PLAGL1: variants seen among roughly 807,000 people sequenced by gnomAD.
The protein encoded by PLAGL1 is zinc finger protein PLAGL1.
In PLAGL1, 1 loss-of-function variant was observed where a neutral mutation model predicts 4.6. The ratio of observed to expected loss-of-function variants is 0.22; its 90% CI spans 0.08 to 1.03. The LOEUF (loss-of-function observed/expected upper bound fraction) is 1.03, where lower values mean the gene tolerates loss of function less well. PLAGL1 is among the 50% of genes least tolerant of loss of function. The probability of loss-of-function intolerance (pLI) is 0.58; values close to 1 mark genes in which losing one functional copy is unlikely to be tolerated. For synonymous variants in PLAGL1, 240 were observed against 237.8 expected, an observed-to-expected ratio of 1.01 and a Z score of -0.08; for missense variants, 464 against 570.4, an observed-to-expected ratio of 0.81 and a Z score of 1.90.
At chr6:143,980,088 C>T (rs1009323116) in intron 2 of PLAGL1, among the ~76,000 whole-genome samples, 1 of 152,212 alleles carries the variant, frequency 6.6e-6, no homozygotes, top group Admixed American at 6.5e-5. Context: ...AGCCTTCTGT[C>T]ATGTTTGTTC....
intron 2 of PLAGL1, among the ~76,000 whole-genome samples, chr6:143,974,111 G>A (rs984950410): frequency 7.9e-5 from 12 of 152,218 alleles, no homozygotes; most frequent in Middle Eastern, 6.8e-3. Context: ...TTACCTACAC[G>A]GAACAAATAT....
chr6:144,001,135 G>A (rs1366770834), intron 1 of PLAGL1, among the ~76,000 whole-genome samples: 1 of 151,434 alleles, frequency 6.6e-6, no homozygotes, highest in African/African-American at 2.4e-5. Flanking sequence ...TACTAAATGA[G>A]CCTGGAGCAT....
In PLAGL1 at chr6:144,053,099, A is replaced by G. The variant is rs1271597196; in HGVS notation, c.-151+11369T>C. ...AACTGATGCTCAACCATATTGGGTC[A>G]TCCTTATCAGCTACAACCACACATT... On this transcript the variant is annotated intron_variant, in intron 1 of 3. Transcript: ENST00000437412. The surrounding 1 kb of genome is among the most constrained non-coding windows in gnomAD (Gnocchi z 4.0). Among the ~76,000 whole-genome samples, 1 of 152,214 alleles carries G rather than the reference A, an allele frequency of 6.6e-6. No individual in the cohort carries two copies. The highest frequency in any genetic ancestry group is 1.5e-5 in the Non-Finnish European group (1 of 68,044).
chr6:144,006,155 A>G lies in PLAGL1; in HGVS notation c.-584+1935T>C, dbSNP rs1046145147. 3.3e-5 allele frequency: 5 copies of G among 152,222 alleles called. No individual in the cohort carries two copies. The highest frequency in any genetic ancestry group is 9.6e-5 in the African/African-American group (4 of 41,464). 9.4% of individuals were successfully genotyped at this position (152,222 alleles called of 1,614,324 possible). On this transcript the variant is annotated intron_variant, in intron 1 of 7. Transcript: ENST00000674357. This position sits in a 1 kb window ranked among gnomAD's most constrained non-coding sequence, Gnocchi z 4.3. ...TACTGGTATGTCCACCATGGAATTT[A>G]TGAAATAAAACATTACTGATAAATT...
chr6:144,033,288 C>G (rs186513918), intron 1 of PLAGL1, among the ~76,000 whole-genome samples: 3 of 152,286 alleles, frequency 2.0e-5, no homozygotes, highest in Admixed American at 1.3e-4. Flanking sequence ...ACCTACAGAC[C>G]TAGGGCATAA....
intron 1 of PLAGL1, among the ~76,000 whole-genome samples, chr6:144,031,293 G>A (rs1403827125): frequency 6.6e-6 from 1 of 152,222 alleles, no homozygotes; most frequent in Non-Finnish European, 1.5e-5. Flanking sequence ...CTCCCACTCT[G>A]TGGGTTGTCT....
chr6:143,948,085 T>G lies in PLAGL1; in HGVS notation c.52A>C (p.Lys18Gln). 6.2e-7 allele frequency: 1 copy of G among 1,613,918 alleles called. No individual in the cohort carries two copies. The highest frequency in any genetic ancestry group is 1.1e-5 in the South Asian group (1 of 91,082). The change falls in exon 7 of 8, where the codon AAG becomes CAG. Residue 18 changes from lysine to glutamine, a missense_variant. By Grantham distance (53) the Lys-to-Gln change is moderately conservative. Around this residue, in one of 4 missense-constraint regions of PLAGL1, gnomAD observed 161 missense variants for 196.7 expected, o/e 0.82. Transcript: ENST00000674357. This position sits in a 1 kb window ranked among gnomAD's most constrained non-coding sequence, Gnocchi z 6.0. ...LCGKTFLTLE[K>Q]FTIHNYSHSR... is the part of the protein sequence containing the mutation. ...TGGGAATAATTGTGAATCGTGAACT[T>G]CTCCAGGGTGAGGAACGTCTTGCCA...
intron 1 of PLAGL1, among the ~76,000 whole-genome samples, chr6:143,988,317 G>A (rs933798819): frequency 6.6e-6 from 1 of 152,182 alleles, no homozygotes; most frequent in African/African-American, 2.4e-5. Flanking sequence ...ATTCTTAGAG[G>A]ATAAAGACTA....
chr6:144,061,898 T>C lies in PLAGL1; in HGVS notation c.-151+2570A>G, dbSNP rs1295993801. Among the ~76,000 whole-genome samples the C allele has an allele frequency of 1.3e-5, 2 of 152,218 alleles. No individual in the cohort carries two copies. Among genetic ancestry groups the C allele is most frequent in the African/African-American group, 4.8e-5 (2 of 41,448 alleles). ...TGTAATTAACATGAGAACAAACCCCTACAACTTGAAAGTGCATGCAATTAA... is the reference window on the plus strand; with the variant it reads ...TGTAATTAACATGAGAACAAACCCCCACAACTTGAAAGTGCATGCAATTAA... On this transcript the variant is annotated intron_variant, in intron 1 of 3. Transcript: ENST00000437412. The surrounding 1 kb of genome is among the most constrained non-coding windows in gnomAD (Gnocchi z 4.4).
rs1781499634 is a variant in PLAGL1, at chr6:143,953,617, T to C, written c.-324-5157A>G. Among the ~76,000 whole-genome samples the C allele has an allele frequency of 6.6e-6, 1 of 152,214 alleles. No individual in the cohort carries two copies. Among genetic ancestry groups the C allele is most frequent in the Non-Finnish European group, 1.5e-5 (1 of 68,034 alleles). On this transcript the variant is annotated intron_variant, in intron 6 of 7. Transcript: ENST00000674357. This position sits in a 1 kb window ranked among gnomAD's most constrained non-coding sequence, Gnocchi z 5.3. ...AATAAAAGCATGTAGCTCCAGTCTC[T>C]CTGAAAATTCTACTAAAACAGTAAT...
rs1050354983 is a variant in PLAGL1, at chr6:143,963,638, G to T, written c.-399+1149C>A. Among the ~76,000 whole-genome samples, 1 of 152,164 alleles carries T rather than the reference G, an allele frequency of 6.6e-6. No homozygotes were observed. The highest frequency in any genetic ancestry group is 1.5e-5 in the Non-Finnish European group (1 of 68,024). On this transcript the variant is annotated intron_variant, in intron 5 of 7. Coordinates refer to ENST00000674357, the MANE Select transcript of PLAGL1 (RefSeq NM_001317162.2). The surrounding 1 kb of genome is among the most constrained non-coding windows in gnomAD (Gnocchi z 6.1). ...AAGCTTGCTGTAGAATCCAGGGTGC[G>T]TGTCAAAAGTCAACCTCTTCCCATG...
intron 1 of PLAGL1, among the ~76,000 whole-genome samples, chr6:144,001,516 A>G (rs544321740): frequency 4.6e-5 from 7 of 152,284 alleles, no homozygotes; most frequent in African/African-American, 1.7e-4. Flanking sequence ...CAAAACTTTA[A>G]AGAGAAATAG....
At position 143,968,235 on chromosome 6, in the gene PLAGL1, T is replaced by C. The variant is rs1317155269; in HGVS notation, c.-472+672A>G. The C allele has an allele frequency of 2.0e-5, 3 of 152,162 alleles. No individual in the cohort carries two copies. The highest frequency in any genetic ancestry group is 2.9e-5 in the Non-Finnish European group (2 of 68,036). The allele number at this position is 152,162 out of a possible 1,614,324, so 9.4% of individuals were successfully genotyped here. A position where few individuals can be genotyped will look rare whatever the true frequency, so the allele number is the denominator to read the frequency against. On this transcript the variant is annotated intron_variant, in intron 3 of 7. Transcript: ENST00000674357. The surrounding 1 kb of genome is among the most constrained non-coding windows in gnomAD (Gnocchi z 6.3). ...CAAATCCTAATCTTTACATGAGTGA[T>C]AGAAAATAAGAAATAAAAACTTCTG...
chr6:143,942,822 A>G lies in PLAGL1; in HGVS notation c.153-159T>C, dbSNP rs1160634695. ...TTTTCCAAATATATAAACTTTTATAATTAAGAAAAGCAAGCAATACTAAAG... is the reference window on the plus strand; with the variant it reads ...TTTTCCAAATATATAAACTTTTATAGTTAAGAAAAGCAAGCAATACTAAAG... On this transcript the variant is annotated intron_variant, in intron 7 of 7. Coordinates refer to ENST00000674357, the MANE Select transcript of PLAGL1 (RefSeq NM_001317162.2). The surrounding 1 kb of genome is among the most constrained non-coding windows in gnomAD (Gnocchi z 7.6). Among the ~76,000 whole-genome samples, 1 of 152,154 alleles carries G rather than the reference A, an allele frequency of 6.6e-6. No homozygotes were observed.
chr6:143,941,275 C>T lies in PLAGL1; in HGVS notation c.*149G>A, dbSNP rs868218416. ...ACAGATTGGCACAATACATGCAGTT[C>T]GAGAATTCTCTTATCATCTCAAGCC... is the stretch of plus-strand genomic sequence containing the variant. On this transcript the variant is annotated 3_prime_UTR_variant, in exon 8 of 8. Transcript: ENST00000674357. This position sits in a 1 kb window ranked among gnomAD's most constrained non-coding sequence, Gnocchi z 6.0. 3.8e-5 allele frequency: 22 copies of T among 583,214 alleles called. 1 individual carries two copies. Among genetic ancestry groups the T allele is most frequent in the Middle Eastern group, 9.0e-4 (2 of 2,210 alleles). The allele number at this position is 583,214 out of a possible 1,614,324, so 36.1% of individuals were successfully genotyped here. A position where few individuals can be genotyped will look rare whatever the true frequency, so the allele number is the denominator to read the frequency against.
At chr6:144,035,542 T>C (rs1797157352) in intron 1 of PLAGL1, among the ~76,000 whole-genome samples, 1 of 152,212 alleles carries the variant, frequency 6.6e-6, no homozygotes, top group African/African-American at 2.4e-5. Flanking sequence ...GTGGGTCTCC[T>C]CACCCAGTCC....
At chr6:143,988,975 G>A (rs1175454903) in intron 1 of PLAGL1, among the ~76,000 whole-genome samples, 1 of 152,194 alleles carries the variant, frequency 6.6e-6, no homozygotes, top group Admixed American at 6.5e-5. Flanking sequence ...ACATAGACAT[G>A]AAGACAGGTC....
chr6:144,012,748 G>A (rs146899606), upstream of PLAGL1, among the ~76,000 whole-genome samples: 347 of 152,212 alleles, frequency 2.3e-3, 2 homozygotes, highest in African/African-American at 7.4e-3. The surrounding 1 kb of genome is among the most constrained non-coding windows in gnomAD (Gnocchi z 4.8). Flanking sequence ...CCTCAATGAC[G>A]CATGCTTTGG....
rs1190684889 is a variant in PLAGL1, at chr6:143,941,926, G to A, written c.890C>T (p.Pro297Leu). The change falls in exon 8 of 8, where the codon CCC (proline) becomes CTC (leucine). Residue 297 changes from proline to leucine, a missense_variant. Around this residue, in one of 4 missense-constraint regions of PLAGL1, gnomAD observed 248 missense variants for 250.1 expected, o/e 0.99. Transcript: ENST00000674357. This position sits in a 1 kb window ranked among gnomAD's most constrained non-coding sequence, Gnocchi z 6.0. ...GGTGTTGTACTTGTGATTGGGAAGG[G>A]GTGGCGGAGGAGAGCCAGGGGATAC... ...PSVSPGSPPP[P>L]LPNHKYNTTS... 2 of 1,610,156 alleles carry A rather than the reference G, an allele frequency of 1.2e-6. No homozygotes were observed. Among genetic ancestry groups the A allele is most frequent in the Non-Finnish European group, 1.7e-6 (2 of 1,177,590 alleles).
Sources: gnomAD v4.1 joint callset for allele counts (sites outside exome capture counted in the v4.1 genomes callset) on GRCh38, gnomAD v4.1.1 for gene constraint, gnomAD v4.1.1 regional missense constraint, Gnocchi (gnomAD v3.1) non-coding constraint, MANE v1.5 for transcripts, NCBI Gene and HGNC (gene_info 2026-07-23, HGNC 2026-07-21) for gene names.